PRKCE: variants seen among roughly 807,000 people sequenced by gnomAD.
PRKCE encodes the protein protein kinase C epsilon.
A neutral mutation model predicts 85.4 loss-of-function variants in PRKCE; 16 were observed. The ratio of observed to expected loss-of-function variants is 0.19; its 90% CI spans 0.13 to 0.28. The LOEUF is 0.28. Among genes scored for constraint, PRKCE ranks in the 10% least tolerant of loss-of-function variants. The pLI is 1.00. For missense variants in PRKCE, 573 were observed against 975.2 expected, an observed-to-expected ratio of 0.59 and a Z score of 5.49; for synonymous variants, 388 against 371.5, an observed-to-expected ratio of 1.04 and a Z score of -0.51.
chr2:45,805,192 G>A (rs1393389422), intron 1 of PRKCE, among the ~76,000 whole-genome samples: 2 of 152,076 alleles, frequency 1.3e-5, no homozygotes, highest in South Asian at 2.1e-4. Context: ...CTATTACTAC[G>A]ATTCCTATCT....
chr2:45,833,715 A>G (rs1690621714), intron 1 of PRKCE, among the ~76,000 whole-genome samples: 1 of 152,266 alleles, frequency 6.6e-6, no homozygotes, highest in Non-Finnish European at 1.5e-5. Flanking sequence ...GAAATGTAAG[A>G]TAAAGCACAC....
rs190904848 is a variant in PRKCE at position 45,703,196 on chromosome 2, T to C, written c.348+50748T>C. Among the ~76,000 whole-genome samples, 468 of 152,188 alleles carry C rather than the reference T, an allele frequency of 3.1e-3. 5 individuals are homozygous for C. The highest frequency in any genetic ancestry group is 2.7e-3 in the Non-Finnish European group (184 of 68,004). On this transcript the variant is annotated intron_variant, in intron 1 of 14. Transcript: ENST00000306156. The stretch of plus-strand genomic sequence containing the variant: ...CCTGAGTTAGAGGCCACAGTGCTGT[T>C]TGCTTTCCTCCTATATTTTATTCTC...
chr2:46,085,714 C>G (rs1190760479), intron 10 of PRKCE, among the ~76,000 whole-genome samples: 1 of 112,724 alleles, frequency 8.9e-6, no homozygotes, highest in Admixed American at 9.5e-5. Flanking sequence ...GGATCCTTCA[C>G]TTAATTACAT....
At chr2:45,922,153 C>G (rs1573889473) in intron 2 of PRKCE, among the ~76,000 whole-genome samples, 1 of 152,118 alleles carries the variant, frequency 6.6e-6, no homozygotes. Context: ...GTTGAAAGAT[C>G]AAGTTGAAAG....
intron 10 of PRKCE, among the ~76,000 whole-genome samples, chr2:46,033,357 C>T (rs1196356223): frequency 6.6e-6 from 1 of 152,104 alleles, no homozygotes; most frequent in Non-Finnish European, 1.5e-5. Flanking sequence ...AACCCCACAC[C>T]CTGTCTTCTG....
intron 1 of PRKCE, among the ~76,000 whole-genome samples, chr2:45,815,149 G>A (rs959542423): frequency 5.9e-5 from 9 of 152,118 alleles, no homozygotes; most frequent in Admixed American, 2.0e-4. Context: ...ATTTAAGAAG[G>A]CACTAATCTC....
chr2:45,676,262 A>G (rs1366049622), intron 1 of PRKCE: 2 of 152,034 alleles, frequency 1.3e-5, no homozygotes, highest in Non-Finnish European at 2.9e-5. Flanking sequence ...TCCATTGCTC[A>G]CCTGTGCTTG....
At chr2:45,733,919 G>T (rs952786598) in intron 1 of PRKCE, among the ~76,000 whole-genome samples, 3 of 152,188 alleles carry the variant, frequency 2.0e-5, no homozygotes, top group Admixed American at 2.0e-4. Context: ...GGCATTCATT[G>T]TGTAGCAGTT....
intron 2 of PRKCE, among the ~76,000 whole-genome samples, chr2:45,872,881 GAGTC>G (rs1158428168): frequency 6.6e-6 from 1 of 152,212 alleles, no homozygotes; most frequent in African/African-American, 2.4e-5. Flanking sequence ...GATGTAAATT[GAGTC>G]ATGGGTATGC....
At chr2:45,858,647 T>C (rs2105627251) in intron 2 of PRKCE, among the ~76,000 whole-genome samples, 1 of 152,348 alleles carries the variant, frequency 6.6e-6, no homozygotes, top group African/African-American at 2.4e-5. Context: ...ATATCTTAAA[T>C]TTTGTATTAT....
chr2:46,137,929 T>C (rs554589146), intron 11 of PRKCE, among the ~76,000 whole-genome samples: 1 of 152,292 alleles, frequency 6.6e-6, no homozygotes, highest in South Asian at 2.1e-4. Flanking sequence ...CAAAATCACA[T>C]TAGGGATCTG....
At position 45,785,695 on chromosome 2, in the gene PRKCE, G is replaced by T. The variant is rs781508919; in HGVS notation, c.349-57305G>T. Reference sequence around the variant, plus strand: ...CACTCAGGCATCCTATGTAGCACCTGGTTTTGTTTTCCAAACTTATGGTGA... The same window carrying T: ...CACTCAGGCATCCTATGTAGCACCTTGTTTTGTTTTCCAAACTTATGGTGA... On this transcript the variant is annotated intron_variant, in intron 1 of 14. Transcript: ENST00000306156. 3.3e-5 allele frequency among the ~76,000 whole-genome samples: 5 copies of T among 152,162 alleles called. No individual in the cohort carries two copies. In the East Asian group the frequency reaches 7.8e-4, roughly 24 times the overall value.
chr2:46,040,861 C>T (rs1558384419), intron 10 of PRKCE, among the ~76,000 whole-genome samples: 2 of 152,190 alleles, frequency 1.3e-5, no homozygotes, highest in African/African-American at 4.8e-5. Flanking sequence ...CTCTGAAAAT[C>T]GCTGATTTCC....
At chr2:45,717,449 A>T (rs1680233596) in intron 1 of PRKCE, among the ~76,000 whole-genome samples, 1 of 152,358 alleles carries the variant, frequency 6.6e-6, no homozygotes, top group South Asian at 2.1e-4. Context: ...AAACATAGAT[A>T]AGTATGTATT....
At chr2:45,775,058 G>A (rs534156219) in intron 1 of PRKCE, among the ~76,000 whole-genome samples, 1 of 152,280 alleles carries the variant, frequency 6.6e-6, no homozygotes, top group South Asian at 2.1e-4. Context: ...TGGTTCCCAA[G>A]GGGGGCCTTG....
intron 13 of PRKCE, among the ~76,000 whole-genome samples, chr2:46,153,937 C>T (rs1180977232): frequency 6.6e-6 from 1 of 152,004 alleles, no homozygotes; most frequent in African/African-American, 2.4e-5. Context: ...CAGGCGCCCA[C>T]CACCATGCCT....
rs1438509937 is a variant in PRKCE, at chr2:46,159,222, A to T, written c.1921-384A>T. ...GTCTCCCTGATGAGAAGACCTGAGA[A>T]TCTGAGGGGGATCACAGAGTCAGTA... On this transcript the variant is annotated intron_variant, in intron 13 of 14. Transcript: ENST00000306156. This position sits in a 1 kb window ranked among gnomAD's most constrained non-coding sequence, Gnocchi z 4.1. 6.6e-6 allele frequency among the ~76,000 whole-genome samples: 1 copy of T among 152,210 alleles called. No homozygotes were observed. The highest frequency in any genetic ancestry group is 1.5e-5 in the Non-Finnish European group (1 of 68,044).
In PRKCE at chr2:45,842,213, G is replaced by A. The variant is rs1001327107; in HGVS notation, c.349-787G>A. On this transcript the variant is annotated intron_variant, in intron 1 of 14. Transcript: ENST00000306156. ...CTCTGTATATTATAAGTAGTTAGCT[G>A]GATTTGAGGTGGGGAGGGAGGAAGT... is the stretch of plus-strand genomic sequence containing the variant. Among the ~76,000 whole-genome samples the A allele has an allele frequency of 7.2e-5, 11 of 152,160 alleles. No homozygotes were observed. In the East Asian group the frequency reaches 2.1e-3, roughly 29 times the overall value.
chr2:45,850,742 C>A (rs1692180410), intron 2 of PRKCE, among the ~76,000 whole-genome samples: 1 of 152,080 alleles, frequency 6.6e-6, no homozygotes, highest in Non-Finnish European at 1.5e-5. Context: ...TTTATTTAAA[C>A]CTTTGGTGTG....
Sources: allele counts gnomAD v4.1 joint callset (sites outside exome capture counted in the v4.1 genomes callset), GRCh38; gene constraint gnomAD v4.1.1; non-coding constraint Gnocchi (gnomAD v3.1); transcripts MANE v1.5; gene names NCBI Gene and HGNC (gene_info 2026-07-23, HGNC 2026-07-21).